The following SLC8A1 variants were observed in gnomAD, a reference collection of about 807,000 sequenced individuals.
The protein encoded by SLC8A1 is sodium/calcium exchanger 1.
Under a neutral mutation model 68.3 loss-of-function variants are expected in SLC8A1, and 18 were observed. The ratio of observed to expected loss-of-function variants is 0.26; its 90% CI spans 0.18 to 0.39. The LOEUF (loss-of-function observed/expected upper bound fraction) is 0.39. SLC8A1 is among the 10% of genes least tolerant of loss of function. The pLI is 1.00. For missense variants in SLC8A1, 985 were observed against 1,156.7 expected, an observed-to-expected ratio of 0.85 and a Z score of 2.15; for synonymous variants, 475 against 415.5, an observed-to-expected ratio of 1.14 and a Z score of -1.74.
intron 1 of SLC8A1, among the ~76,000 whole-genome samples, chr2:40,441,029 C>A (rs1414798704): frequency 1.3e-5 from 2 of 152,064 alleles, no homozygotes; most frequent in African/African-American, 4.8e-5. Context: ...TTTAGAAAAC[C>A]CCAGTGTCTC....
chr2:40,168,173 G>C (rs1008509516), intron 4 of SLC8A1, among the ~76,000 whole-genome samples: 38 of 152,264 alleles, frequency 2.5e-4, no homozygotes, highest in Middle Eastern at 3.4e-3. Flanking sequence ...GCAACTTCTA[G>C]GCATGATAAG....
chr2:40,495,556 G>T (rs1053022482), intron 1 of SLC8A1, among the ~76,000 whole-genome samples: 2 of 152,048 alleles, frequency 1.3e-5, no homozygotes, highest in African/African-American at 4.8e-5. Flanking sequence ...AGTCACAGAT[G>T]TATCTGTTGG....
chr2:40,448,416 A>G (rs1218649338), intron 1 of SLC8A1, among the ~76,000 whole-genome samples: 2 of 152,212 alleles, frequency 1.3e-5, no homozygotes, highest in African/African-American at 4.8e-5. Flanking sequence ...GAAAGCTCAC[A>G]TTCTCAGAAT....
At chr2:40,337,875 A>C (rs1408869708) in intron 2 of SLC8A1, among the ~76,000 whole-genome samples, 1 of 152,168 alleles carries the variant, frequency 6.6e-6, no homozygotes, top group East Asian at 1.9e-4. Flanking sequence ...CCTACTATTT[A>C]ATAATACTAA....
intron 2 of SLC8A1, among the ~76,000 whole-genome samples, chr2:40,201,542 C>G (rs1229336587): frequency 6.6e-6 from 1 of 151,902 alleles, no homozygotes; most frequent in Non-Finnish European, 1.5e-5. Context: ...TATAGTATGT[C>G]TCCACTTTCC....
intron 2 of SLC8A1, among the ~76,000 whole-genome samples, chr2:40,426,550 A>G (rs1258646099): frequency 1.3e-5 from 2 of 152,016 alleles, no homozygotes; most frequent in Non-Finnish European, 2.9e-5. Flanking sequence ...AAAGAAGGTT[A>G]TTTATGGTTT....
chr2:40,506,339 A>G (rs1706368265), intron 1 of SLC8A1, among the ~76,000 whole-genome samples: 1 of 151,898 alleles, frequency 6.6e-6, no homozygotes, highest in African/African-American at 2.4e-5. Context: ...GAGAAGAAAA[A>G]ACAAGTTTTG....
intron 2 of SLC8A1, among the ~76,000 whole-genome samples, chr2:40,364,980 A>G (rs554118125): frequency 2.6e-4 from 40 of 152,124 alleles, no homozygotes. Flanking sequence ...TGTCTCTCTA[A>G]TCAAGAAATC....
chr2:40,208,258 C>G (rs1424158766), intron 2 of SLC8A1: 2 of 152,140 alleles, frequency 1.3e-5, no homozygotes, highest in East Asian at 3.9e-4. Flanking sequence ...TTCCAGCTCT[C>G]TTTCCATAGT....
intron 2 of SLC8A1, among the ~76,000 whole-genome samples, chr2:40,248,036 T>C (rs563460699): frequency 4.6e-5 from 7 of 152,142 alleles, no homozygotes; most frequent in South Asian, 2.1e-4. Flanking sequence ...TTAAAACAGA[T>C]TGCTTGATTT....
intron 2 of SLC8A1, among the ~76,000 whole-genome samples, chr2:40,326,477 T>C (rs1046843369): frequency 3.3e-5 from 5 of 151,962 alleles, no homozygotes; most frequent in African/African-American, 4.8e-5. Flanking sequence ...AAAGGGAACA[T>C]CAGAGAGTTA....
At chr2:40,477,763 G>A (rs1029886802) in intron 1 of SLC8A1, among the ~76,000 whole-genome samples, 5 of 152,090 alleles carry the variant, frequency 3.3e-5, no homozygotes, top group African/African-American at 7.2e-5. Context: ...GTGTGTGCAC[G>A]TGTGTGTAGG....
intron 2 of SLC8A1, chr2:40,178,413 C>T (rs780237205): frequency 1.2e-5 from 20 of 1,613,764 alleles, no homozygotes; most frequent in Admixed American, 6.7e-5. Flanking sequence ...CTCCACCAGG[C>T]GGGGCTCTCC....
chr2:40,272,239 A>G (rs1294317174), intron 2 of SLC8A1, among the ~76,000 whole-genome samples: 6 of 152,266 alleles, frequency 3.9e-5, no homozygotes, highest in Non-Finnish European at 2.9e-5. Context: ...TCATTAATCC[A>G]TTCAACACAT....
chr2:40,376,302 G>A (rs1679842888), intron 2 of SLC8A1, among the ~76,000 whole-genome samples: 1 of 152,066 alleles, frequency 6.6e-6, no homozygotes, highest in African/African-American at 2.4e-5. Flanking sequence ...AATTTTGCTT[G>A]TCAATATTTT....
At chr2:40,229,190 A>C (rs2059344282) in intron 2 of SLC8A1, among the ~76,000 whole-genome samples, 1 of 152,148 alleles carries the variant, frequency 6.6e-6, no homozygotes, top group South Asian at 2.1e-4. Context: ...TTGGTTCCTT[A>C]ACAAAGGGAT....
At chr2:40,285,307 A>T (rs1178285437) in intron 2 of SLC8A1, among the ~76,000 whole-genome samples, 1 of 152,156 alleles carries the variant, frequency 6.6e-6, no homozygotes, top group Non-Finnish European at 1.5e-5. Context: ...TTTCAAGACT[A>T]TAAGATAAGG....
At chr2:40,128,518 T>C (rs2038633271) in intron 7 of SLC8A1, among the ~76,000 whole-genome samples, 1 of 152,156 alleles carries the variant, frequency 6.6e-6, no homozygotes. Context: ...GAAGCTCCAT[T>C]TGTGAGAGTT....
chr2:40,455,639 G>A (rs928880833), upstream of SLC8A1, among the ~76,000 whole-genome samples: 8 of 152,198 alleles, frequency 5.3e-5, no homozygotes. Context: ...GAACCATTGG[G>A]TTCCCAGTTT....
Sources: allele counts gnomAD v4.1 joint callset (sites outside exome capture counted in the v4.1 genomes callset), GRCh38; gene constraint gnomAD v4.1.1; transcripts MANE v1.5; gene names NCBI Gene and HGNC (gene_info 2026-07-23, HGNC 2026-07-21).